The following PZP variants were observed in gnomAD, a reference collection of about 807,000 sequenced individuals.
The protein encoded by PZP is pregnancy zone protein.
PZP carries 150 observed loss-of-function variants against 179.8 expected under a neutral mutation model. That is an observed-to-expected ratio of 0.83 (90% CI 0.73 to 0.96). PZP has a LOEUF of 0.96. Ranked by LOEUF, PZP falls within the 40% of genes least tolerant of loss-of-function variation. The probability of loss-of-function intolerance (pLI) is 0.00; values close to 1 mark genes in which losing one functional copy is unlikely to be tolerated. For missense variants in PZP, 1,689 were observed against 1,764.0 expected, an observed-to-expected ratio of 0.96 and a Z score of 0.76; for synonymous variants, 624 against 652.3, an observed-to-expected ratio of 0.96 and a Z score of 0.66.
chr12:9,163,079 G>A (rs1245373862), intron 21 of PZP, among the ~76,000 whole-genome samples: 2 of 151,984 alleles, frequency 1.3e-5, no homozygotes, highest in Non-Finnish European at 2.9e-5. Flanking sequence ...GAAGAACCAG[G>A]GAGGGTGGTA....
intron 28 of PZP, chr12:9,156,058 T>G: frequency 4.7e-6 from 1 of 212,848 alleles, no homozygotes; most frequent in South Asian, 9.0e-5. Flanking sequence ...GTTTCTGAGA[T>G]TAGAAAGAGT....
At chr12:9,206,771 T>G (rs778220877) in intron 1 of PZP, among the ~76,000 whole-genome samples, 1 of 152,246 alleles carries the variant, frequency 6.6e-6, no homozygotes, top group African/African-American at 2.4e-5. Flanking sequence ...AGGCTTGTTG[T>G]TCTTTGTTCA....
rs112538966 is a variant in PZP at position 9,162,841 on chromosome 12, T to C, written c.2737-193A>G. The stretch of plus-strand genomic sequence containing the variant: ...CAGGTTTGTTACATAGGTAAATGTG[T>C]GCCATGGTGGTTTGCTGCACAGATC... On this transcript the variant is annotated intron_variant, in intron 21 of 35. Coordinates refer to ENST00000261336, the MANE Select transcript of PZP (RefSeq NM_002864.3). Among the ~76,000 whole-genome samples, 334 of 152,268 alleles carry C rather than the reference T, an allele frequency of 2.2e-3. 2 individuals carry two copies. Among genetic ancestry groups the C allele is most frequent in the African/African-American group, 7.4e-3 (307 of 41,542 alleles).
downstream of PZP, among the ~76,000 whole-genome samples, chr12:9,147,628 G>C (rs1410432218): frequency 6.6e-6 from 1 of 152,138 alleles, no homozygotes; most frequent in East Asian, 1.9e-4. Context: ...CAGGGGGGAA[G>C]CCTGGGGGAA....
chr12:9,152,950 G>T lies in PZP; in HGVS notation c.3995C>A (p.Thr1332Lys). ...VTGERCVYLQ[T>K]SMKYNILPEK... ...TGGAAGAATATTGTATTTCATGGAT[G>T]TCTGTGAAACAGCAAAGACACTATC... is the stretch of plus-strand genomic sequence containing the variant. Residue 1332 changes from threonine (T) to lysine (K), a missense_variant and splice_region_variant, in exon 31 of 36, where the codon ACA (threonine) becomes AAA (lysine). By Grantham distance (78) the Thr-to-Lys change is moderately conservative. Coordinates refer to ENST00000261336, the MANE Select transcript of PZP (RefSeq NM_002864.3). The T allele has an allele frequency of 6.2e-7, 1 of 1,614,106 alleles. No individual in the cohort carries two copies. Among genetic ancestry groups the T allele is most frequent in the Non-Finnish European group, 8.5e-7 (1 of 1,180,002 alleles).
At chr12:9,190,514 G>A (rs1943400044) in intron 13 of PZP, among the ~76,000 whole-genome samples, 1 of 152,038 alleles carries the variant, frequency 6.6e-6, no homozygotes, top group Non-Finnish European at 1.5e-5. Context: ...GGCGGGAGGA[G>A]GGAGAGCAGA....
In PZP at chr12:9,183,408, A is replaced by ATT. The variant is rs35749332; in HGVS notation, c.1547-1293_1547-1292dup. Among the ~76,000 whole-genome samples the ATT allele has an allele frequency of 8.1e-4, 123 of 151,250 alleles. No individual in the cohort carries two copies. In the East Asian group the frequency reaches 0.014, roughly 17 times the overall value. On this transcript the variant is annotated intron_variant, in intron 13 of 35. Coordinates refer to ENST00000261336, the MANE Select transcript of PZP (RefSeq NM_002864.3). Reference sequence around the variant, plus strand: ...ATGTTGTACACCTTAAATAAATGTAATTTTTTTTTGAGACAGGGTCTTGCT... The same window carrying ATT: ...ATGTTGTACACCTTAAATAAATGTAATTTTTTTTTTTGAGACAGGGTCTTGCT...
rs141069675 is a variant in PZP, at chr12:9,194,099, G to A, written c.1232C>T (p.Ser411Leu). ...AQFSINTTSI[S>L]VNKLFVRVFT... ...TACCCGGACAAAAAGTTTATTAACC[G>A]AGATACTGGTAGTATTGATTGAAAA... The change falls in exon 11 of 36, where the codon TCG becomes TTG. Residue 411 changes from serine to leucine, a missense_variant. Coordinates refer to ENST00000261336, the MANE Select transcript of PZP (RefSeq NM_002864.3). The A allele has an allele frequency of 3.1e-6, 5 of 1,613,034 alleles. No individual in the cohort carries two copies. Among genetic ancestry groups the A allele is most frequent in the South Asian group, 2.2e-5 (2 of 90,840 alleles).
At chr12:9,150,514 A>G (rs1940273608) in intron 34 of PZP, 130 bp downstream of exon 34, 2 of 622,350 alleles carry the variant, frequency 3.2e-6, no homozygotes, top group Admixed American at 3.4e-5. Flanking sequence ...AGTCGTTTTT[A>G]TAGTGTACAT....
intron 10 of PZP, among the ~76,000 whole-genome samples, 157 bp downstream of exon 10, chr12:9,196,173 A>G (rs1179327136): frequency 1.3e-5 from 2 of 152,186 alleles, no homozygotes; most frequent in Non-Finnish European, 2.9e-5. Flanking sequence ...TTGTTTCATC[A>G]GTGATATTTA....
In PZP at chr12:9,158,576, C is replaced by G; in HGVS notation, c.3138G>C (p.Trp1046Cys). ...ERYGRNQGNT[W>C]LTAFVLKTFA... ...AAGTCTTCAGTACAAAAGCTGTGAG[C>G]CTAGGGGGAGGAAAAATGCAGTGCT... The change falls in exon 26 of 36, where the codon TGG (tryptophan) becomes TGC (cysteine). Residue 1046 changes from tryptophan to cysteine, a missense_variant and splice_region_variant. By Grantham distance (215) the Trp-to-Cys change is radical (BLOSUM62 -2). This residue lies in a region of PZP where 746 missense variants were observed against 749.2 expected (regional missense o/e 1.00). Coordinates refer to ENST00000261336, the MANE Select transcript of PZP (RefSeq NM_002864.3). The G allele has an allele frequency of 6.2e-7, 1 of 1,613,820 alleles. No individual in the cohort carries two copies. Among genetic ancestry groups the G allele is most frequent in the Non-Finnish European group, 8.5e-7 (1 of 1,179,856 alleles).
At chr12:9,138,933 A>T in the PZP span, among the ~76,000 whole-genome samples, 1 of 147,898 alleles carries the variant, frequency 6.8e-6, no homozygotes, top group African/African-American at 2.5e-5. Context: ...TGTTTTATTT[A>T]TTTCTTCTCT....
Position 9,154,832 on chromosome 12 carries a change from G to A in PZP, c.3558C>T (p.Leu1186=), listed in dbSNP as rs747406116. 8.7e-6 allele frequency: 14 copies of A among 1,613,634 alleles called. No individual in the cohort carries two copies. The highest frequency in any genetic ancestry group is 6.7e-5 in the Admixed American group (4 of 60,000). Residue 1186 remains leucine (L), a synonymous_variant, in exon 29 of 36, where the codon CTC becomes CTT. Coordinates refer to ENST00000261336, the MANE Select transcript of PZP (RefSeq NM_002864.3). ...GTCTCTGAGGGCGCTCCCAATGGAC[G>A]AGGTTGTCTTAAGGGTGAGAAAAAG... ...LDKEAVKEDN[L]VHWERPQRPK...
intron 1 of PZP, among the ~76,000 whole-genome samples, chr12:9,204,672 A>G (rs1260114859): frequency 6.6e-6 from 1 of 152,106 alleles, no homozygotes; most frequent in Non-Finnish European, 1.5e-5. Flanking sequence ...GTATTTTATT[A>G]TCATTTCCCT....
chr12:9,181,098 G>C lies in PZP; in HGVS notation c.1724C>G (p.Pro575Arg). The C allele has an allele frequency of 6.2e-7, 1 of 1,614,140 alleles. No homozygotes were observed. The highest frequency in any genetic ancestry group is 8.5e-7 in the Non-Finnish European group (1 of 1,179,998). Residue 575 changes from proline (P) to arginine (R), a missense_variant, in exon 15 of 36, where the codon CCA becomes CGA. By Grantham distance (103) the Pro-to-Arg change is moderately radical. Transcript: ENST00000261336. ...DLSFSPAQSP[P>R]ASHAHLQVAA... ...TACTTGCAGGTGGGCATGTGAGGCTGGGGGACTTTGTGCTGGGCTGAAGCT... is the reference window on the plus strand; with the variant it reads ...TACTTGCAGGTGGGCATGTGAGGCTCGGGGACTTTGTGCTGGGCTGAAGCT...
chr12:9,178,330 C>T (rs1486872690), intron 15 of PZP, among the ~76,000 whole-genome samples: 1 of 152,216 alleles, frequency 6.6e-6, no homozygotes. Flanking sequence ...ACTGTAGCCA[C>T]TCCCTGCCCC....
At chr12:9,151,885 T>C (rs1940384595) in intron 32 of PZP, among the ~76,000 whole-genome samples, 1 of 152,246 alleles carries the variant, frequency 6.6e-6, no homozygotes, top group Admixed American at 6.5e-5. Context: ...GTTGATTTTT[T>C]TTCCTTCCCA....
At position 9,151,493 on chromosome 12, in the gene PZP, G is replaced by A. The variant is rs902866639; in HGVS notation, c.4281+111C>T. 3 of 782,918 alleles carry A rather than the reference G, an allele frequency of 3.8e-6. No homozygotes were observed. In the African/African-American group the frequency reaches 5.2e-5, roughly 13 times the overall value. The allele number at this position is 782,918 out of a possible 1,614,324, so 48.5% of individuals were successfully genotyped here. On this transcript the variant is annotated intron_variant, in intron 33 of 35. Coordinates refer to ENST00000261336, the MANE Select transcript of PZP (RefSeq NM_002864.3). ...TTCTTGGAATAGATAAACCTTTCTG[G>A]AAGGGCATTACTAATGATTGTTTTC...
At position 9,182,055 on chromosome 12, in the gene PZP, A is replaced by G; in HGVS notation, c.1609T>C (p.Phe537Leu). ...CCATCTGGTAAAATGGCAAAGATGA[A>G]CATTCGTGCAATGGGGGCAACGTCT... is the stretch of plus-strand genomic sequence containing the variant. ...ESDVAPIARM[F>L]IFAILPDGEV... The change falls in exon 14 of 36, where the codon TTC becomes CTC. Residue 537 changes from phenylalanine to leucine, a missense_variant. Phe to Leu is a conservative substitution (Grantham distance 22). Transcript: ENST00000261336. The G allele has an allele frequency of 6.2e-7, 1 of 1,613,976 alleles. No individual in the cohort carries two copies. Among genetic ancestry groups the G allele is most frequent in the Non-Finnish European group, 8.5e-7 (1 of 1,179,882 alleles).
Sources: gnomAD v4.1 joint callset for allele counts (sites outside exome capture counted in the v4.1 genomes callset) on GRCh38, gnomAD v4.1.1 for gene constraint, gnomAD v4.1.1 regional missense constraint, MANE v1.5 for transcripts, NCBI Gene and HGNC (gene_info 2026-07-23, HGNC 2026-07-21) for gene names.